The following SCHIP1 variants were observed in gnomAD, a reference collection of about 807,000 sequenced individuals.
SCHIP1 encodes the protein schwannomin interacting protein 1, also known as schwannomin-interacting protein 1.
SCHIP1 carries 8 observed loss-of-function variants against 29.7 expected under a neutral mutation model. That is an observed-to-expected ratio of 0.27 (90% confidence interval 0.16 to 0.49). The LOEUF (loss-of-function observed/expected upper bound fraction) is 0.49. Ranked by LOEUF, SCHIP1 falls within the 20% of genes least tolerant of loss-of-function variation. The probability of loss-of-function intolerance (pLI) is 0.99; values close to 1 mark genes in which losing one functional copy is unlikely to be tolerated. For missense variants in SCHIP1, 193 were observed against 294.6 expected (o/e 0.66, Z 2.52); for synonymous variants, 76 against 94.9 (o/e 0.80, Z 1.16).
the SCHIP1 span, among the ~76,000 whole-genome samples, chr3:159,346,489 T>G: frequency 6.6e-6 from 1 of 152,116 alleles, no homozygotes; most frequent in Non-Finnish European, 1.5e-5. Flanking sequence ...TGATATACAG[T>G]GCTTCTTGAC....
the SCHIP1 span, among the ~76,000 whole-genome samples, chr3:159,295,270 AAAAAAAC>A: frequency 0.015 from 2,223 of 145,142 alleles, 29 homozygotes; most frequent in Non-Finnish European, 0.025. Flanking sequence ...AAAAAAAAAA[AAAAAAAC>A]AACTAGCCAG....
the SCHIP1 span, among the ~76,000 whole-genome samples, chr3:159,607,395 A>G: frequency 2.0e-5 from 3 of 152,188 alleles, no homozygotes; most frequent in African/African-American, 7.2e-5. Context: ...TAGGTAGCAT[A>G]TTTATATCAG....
chr3:159,465,519 G>A, the SCHIP1 span, among the ~76,000 whole-genome samples: 1 of 152,012 alleles, frequency 6.6e-6, no homozygotes, highest in East Asian at 1.9e-4. Context: ...ATATGTTCTA[G>A]GCTTCTAGTA....
the SCHIP1 span, among the ~76,000 whole-genome samples, chr3:159,626,684 C>A: frequency 2.6e-5 from 4 of 152,194 alleles, no homozygotes; most frequent in African/African-American, 9.6e-5. Flanking sequence ...ACTAACAAGA[C>A]CATTCAGTTG....
chr3:159,487,410 T>C, the SCHIP1 span, among the ~76,000 whole-genome samples: 2 of 152,096 alleles, frequency 1.3e-5, no homozygotes, highest in Admixed American at 1.3e-4. Context: ...GTTCCCCACA[T>C]TGGTCTGGAC....
the SCHIP1 span, among the ~76,000 whole-genome samples, chr3:159,499,193 CCATAT>C: frequency 6.6e-6 from 1 of 152,194 alleles, no homozygotes; most frequent in Non-Finnish European, 1.5e-5. Context: ...ATTACTCATA[CCATAT>C]ATTAAATAGT....
chr3:159,740,771 G>GAAAAAAAAAAAAAAAAAAAA, the SCHIP1 span, among the ~76,000 whole-genome samples: 17 of 104,844 alleles, frequency 1.6e-4, no homozygotes, highest in East Asian at 2.9e-4. Flanking sequence ...CAAAAAAAAA[G>GAAAAAAAAAAAAAAAAAAAA]AAAAAAAAAA....
the SCHIP1 span, among the ~76,000 whole-genome samples, chr3:159,708,471 A>T: frequency 3.3e-5 from 5 of 152,100 alleles, no homozygotes; most frequent in African/African-American, 1.2e-4. Flanking sequence ...GAGAGGATGA[A>T]TTTTTTTTAA....
the SCHIP1 span, among the ~76,000 whole-genome samples, chr3:159,417,718 C>T: frequency 1.3e-5 from 2 of 152,154 alleles, no homozygotes; most frequent in African/African-American, 2.4e-5. Flanking sequence ...TTGACCTGCT[C>T]CATCATTTGG....
chr3:159,860,674 C>A (rs890058260), intron 1 of SCHIP1, among the ~76,000 whole-genome samples: 7 of 152,166 alleles, frequency 4.6e-5, no homozygotes, highest in African/African-American at 1.7e-4. Flanking sequence ...GAAGCTCAAT[C>A]CAGGGAAGAA....
chr3:159,555,627 C>T, the SCHIP1 span, among the ~76,000 whole-genome samples: 1 of 152,032 alleles, frequency 6.6e-6, no homozygotes, highest in African/African-American at 2.4e-5. Context: ...GAGTGGGAGT[C>T]AGGTATGATT....
chr3:159,726,774 C>T, the SCHIP1 span, among the ~76,000 whole-genome samples: 1 of 152,160 alleles, frequency 6.6e-6, no homozygotes. Context: ...TAGCATTTCT[C>T]ATAAAAGCCT....
chr3:159,893,938 C>T (rs1200776300), intron 6 of SCHIP1: 4 of 152,188 alleles, frequency 2.6e-5, no homozygotes, highest in African/African-American at 9.7e-5. Context: ...AAGGCAGCAG[C>T]CCCAGAGTCC....
At chr3:159,622,335 C>T in the SCHIP1 span, among the ~76,000 whole-genome samples, 1 of 152,190 alleles carries the variant, frequency 6.6e-6, no homozygotes, top group African/African-American at 2.4e-5. Flanking sequence ...TTAAAGGGCT[C>T]TTCCAATTTC....
chr3:159,514,893 T>C, the SCHIP1 span, among the ~76,000 whole-genome samples: 3 of 152,166 alleles, frequency 2.0e-5, no homozygotes, highest in Non-Finnish European at 4.4e-5. Flanking sequence ...TCTTTAGTGA[T>C]CTTCACCCTA....
chr3:159,724,056 T>G, the SCHIP1 span, among the ~76,000 whole-genome samples: 6 of 152,212 alleles, frequency 3.9e-5, no homozygotes, highest in African/African-American at 1.4e-4. Flanking sequence ...CACTAGAAGT[T>G]CCTGTATTTT....
chr3:159,276,661 G>A, the SCHIP1 span, among the ~76,000 whole-genome samples: 1 of 152,168 alleles, frequency 6.6e-6, no homozygotes, highest in Admixed American at 6.5e-5. Flanking sequence ...AAATGATGGA[G>A]TAATCTTACC....
At chr3:159,425,716 C>T in the SCHIP1 span, among the ~76,000 whole-genome samples, 90 of 152,302 alleles carry the variant, frequency 5.9e-4, no homozygotes, top group African/African-American at 2.1e-3. Context: ...CAGAACTCTC[C>T]ACCCCATATC....
At chr3:159,572,939 T>G in the SCHIP1 span, among the ~76,000 whole-genome samples, 2 of 151,996 alleles carry the variant, frequency 1.3e-5, no homozygotes, top group East Asian at 1.9e-4. Flanking sequence ...CTCTGGTTTT[T>G]TTTTTTTTTT....
Sources: gnomAD v4.1 joint callset for allele counts (sites outside exome capture counted in the v4.1 genomes callset) on GRCh38, gnomAD v4.1.1 for gene constraint, MANE v1.5 for transcripts, NCBI Gene and HGNC (gene_info 2026-07-23, HGNC 2026-07-21) for gene names.